COL25A1: variants seen among roughly 807,000 people sequenced by gnomAD.
COL25A1 encodes collagen alpha-1(XXV) chain.
COL25A1 carries 103 observed loss-of-function variants against 128.4 expected under a neutral mutation model. That is an observed-to-expected ratio of 0.80 (90% CI 0.68 to 0.94). COL25A1 has a LOEUF of 0.94. Ranked by LOEUF, COL25A1 falls within the 40% of genes least tolerant of loss-of-function variation. The pLI is 0.00. For missense variants in COL25A1, 745 were observed against 840.0 expected (o/e 0.89, Z 1.40); for synonymous variants, 279 against 277.2 (o/e 1.01, Z -0.06).
intron 3 of COL25A1, among the ~76,000 whole-genome samples, chr4:109,115,428 C>T (rs1767447663): frequency 6.6e-6 from 1 of 152,008 alleles, no homozygotes; most frequent in Non-Finnish European, 1.5e-5. Context: ...GAGCTCTGTC[C>T]AAAGTTGAAG....
At chr4:109,273,716 C>T (rs1485613663) in intron 3 of COL25A1, among the ~76,000 whole-genome samples, 3 of 152,078 alleles carry the variant, frequency 2.0e-5, no homozygotes, top group Admixed American at 2.0e-4. Context: ...AGCAGAAAAA[C>T]CATCCTTATA....
chr4:108,954,696 G>GA (rs145550077), intron 8 of COL25A1, among the ~76,000 whole-genome samples: 2 of 151,016 alleles, frequency 1.3e-5, no homozygotes, highest in Non-Finnish European at 3.0e-5. Context: ...ATATATAATA[G>GA]AAAAAAAAGA....
chr4:109,284,405 G>A (rs1047772567), intron 3 of COL25A1, among the ~76,000 whole-genome samples: 1 of 152,176 alleles, frequency 6.6e-6, no homozygotes. Context: ...AGCCTGGCCT[G>A]GATGACAGAG....
chr4:108,952,699 TCTGAAAGGAA>T (rs1231567794), intron 8 of COL25A1, among the ~76,000 whole-genome samples: 2 of 152,162 alleles, frequency 1.3e-5, no homozygotes, highest in Non-Finnish European at 2.9e-5. Context: ...CTATCCATTT[TCTGAAAGGAA>T]ACAGTCTACA....
chr4:109,176,984 A>G (rs557545081), intron 3 of COL25A1, among the ~76,000 whole-genome samples: 8 of 152,300 alleles, frequency 5.3e-5, no homozygotes, highest in African/African-American at 1.7e-4. Flanking sequence ...GAAAGGATAC[A>G]TTTAATTTGT....
chr4:109,235,085 C>T (rs1779384678), intron 3 of COL25A1, among the ~76,000 whole-genome samples: 1 of 152,038 alleles, frequency 6.6e-6, no homozygotes, highest in African/African-American at 2.4e-5. Flanking sequence ...GAGCTCCTCC[C>T]AAAAGCTCCA....
chr4:108,916,821 C>T (rs775012559), intron 13 of COL25A1, among the ~76,000 whole-genome samples: 2 of 152,046 alleles, frequency 1.3e-5, no homozygotes, highest in Non-Finnish European at 2.9e-5. Flanking sequence ...AATGTAGCTG[C>T]GACATGGGCG....
chr4:109,302,097 G>T, intron 1 of COL25A1, 22 bp from the exon 2 acceptor site: 1 of 1,467,692 alleles, frequency 6.8e-7, no homozygotes, highest in Non-Finnish European at 9.0e-7. Flanking sequence ...GAAAAAGGTC[G>T]ATTCCTCCAA....
intron 8 of COL25A1, among the ~76,000 whole-genome samples, chr4:108,953,857 T>A (rs1749747367): frequency 6.6e-6 from 1 of 152,146 alleles, no homozygotes; most frequent in East Asian, 1.9e-4. Flanking sequence ...TTTTGAGTGG[T>A]GAAATACAAA....
At chr4:109,280,347 C>T (rs935726568) in intron 3 of COL25A1, among the ~76,000 whole-genome samples, 6 of 152,180 alleles carry the variant, frequency 3.9e-5, no homozygotes, top group Non-Finnish European at 5.9e-5. Flanking sequence ...ATAAAACATT[C>T]TTGCCAAAAA....
Position 108,852,267 on chromosome 4 carries a change from G to C in COL25A1, c.1358C>G (p.Pro453Arg). 1 of 1,590,830 alleles carries C rather than the reference G, an allele frequency of 6.3e-7. No homozygotes were observed. The highest frequency in any genetic ancestry group is 2.2e-5 in the East Asian group (1 of 44,454). The change falls in exon 26 of 38, where the codon CCT (proline) becomes CGT (arginine). Residue 453 changes from proline to arginine, a missense_variant. Pro to Arg is a moderately radical substitution (Grantham distance 103). This residue lies in a region of COL25A1 where 387 missense variants were observed against 441.9 expected (regional missense o/e 0.88). Transcript: ENST00000399132. ...CCCTTGTAGTCCTTGAGGTCCAGGAGGTCCAGGGGGACCCTAAATCAAGAA... is the reference window on the plus strand; with the variant it reads ...CCCTTGTAGTCCTTGAGGTCCAGGACGTCCAGGGGGACCCTAAATCAAGAA... ...TTLTVTGPPG[P>R]PGPQGLQGPK... is the part of the protein sequence containing the mutation.
At chr4:108,922,583 A>G (rs1461836903) in intron 11 of COL25A1, among the ~76,000 whole-genome samples, 1 of 152,236 alleles carries the variant, frequency 6.6e-6, no homozygotes, top group Non-Finnish European at 1.5e-5. Flanking sequence ...AGCGAATAAC[A>G]TATCTGATAT....
intron 6 of COL25A1, among the ~76,000 whole-genome samples, chr4:108,983,775 G>T (rs983426509): frequency 2.0e-5 from 3 of 152,100 alleles, no homozygotes; most frequent in African/African-American, 7.2e-5. Context: ...TCCTCCCTGT[G>T]GGTTCGTGGT....
At chr4:109,290,622 G>T (rs1301255837) in intron 3 of COL25A1, among the ~76,000 whole-genome samples, 1 of 152,056 alleles carries the variant, frequency 6.6e-6, no homozygotes, top group Admixed American at 6.6e-5. Context: ...AATACAGTTT[G>T]TTTAGTTAAG....
At chr4:108,895,591 T>G (rs1434983214) in intron 16 of COL25A1, among the ~76,000 whole-genome samples, 1 of 152,148 alleles carries the variant, frequency 6.6e-6, no homozygotes, top group Non-Finnish European at 1.5e-5. Context: ...TAAAAGACCC[T>G]TTGCCCCAGG....
chr4:108,893,956 A>G (rs185676372), intron 16 of COL25A1, among the ~76,000 whole-genome samples: 1 of 152,326 alleles, frequency 6.6e-6, no homozygotes, highest in Non-Finnish European at 1.5e-5. Flanking sequence ...GAAGGTTTAT[A>G]GAAATAATTT....
chr4:108,840,367 AC>A (rs897516442), intron 31 of COL25A1, among the ~76,000 whole-genome samples: 3 of 151,284 alleles, frequency 2.0e-5, no homozygotes, highest in African/African-American at 7.3e-5. Flanking sequence ...CTCTCTTCTG[AC>A]CCCCCCTCCC....
intron 3 of COL25A1, among the ~76,000 whole-genome samples, chr4:109,122,448 TAGAA>T (rs1235648350): frequency 6.6e-6 from 1 of 151,990 alleles, no homozygotes; most frequent in Non-Finnish European, 1.5e-5. Context: ...TTAAGTTTAT[TAGAA>T]GGAAGGAAGT....
rs1490216409 is a variant in COL25A1 at position 109,119,056 on chromosome 4, C to G, written c.368-68877G>C. ...ATGGAATGAAACTGGAAATCAAAAA[C>G]AGCTAAAACATCCCAAAATACTTAG... On this transcript the variant is annotated intron_variant, in intron 3 of 37. Coordinates refer to ENST00000399132, the MANE Select transcript of COL25A1 (RefSeq NM_198721.4). Among the ~76,000 whole-genome samples, 59 of 151,944 alleles carry G rather than the reference C, an allele frequency of 3.9e-4. 1 individual carries two copies. Among genetic ancestry groups the G allele is most frequent in the Non-Finnish European group, 1.2e-4 (8 of 67,936 alleles).
Sources: allele counts gnomAD v4.1 joint callset (sites outside exome capture counted in the v4.1 genomes callset), GRCh38; gene constraint gnomAD v4.1.1; regional missense constraint gnomAD v4.1.1; transcripts MANE v1.5; gene names NCBI Gene and HGNC (gene_info 2026-07-23, HGNC 2026-07-21).